Variants in SLC36A1 observed in about 807,000 individuals in gnomAD.
The protein encoded by SLC36A1 is proton-coupled amino acid transporter 1.
SLC36A1 carries 30 observed loss-of-function variants against 47.5 expected under a neutral mutation model. That is an observed-to-expected ratio of 0.63 (90% CI 0.47 to 0.86). The LOEUF is 0.86. Ranked by LOEUF, SLC36A1 falls within the 40% of genes least tolerant of loss-of-function variation. SLC36A1 has a pLI of 0.00. For missense variants in SLC36A1, 517 were observed against 606.0 expected, an observed-to-expected ratio of 0.85 and a Z score of 1.54; for synonymous variants, 255 against 249.7, an observed-to-expected ratio of 1.02 and a Z score of -0.20.
At chr5:151,349,880 G>A in the SLC36A1 span, among the ~76,000 whole-genome samples, 2 of 151,872 alleles carry the variant, frequency 1.3e-5, no homozygotes, top group Non-Finnish European at 2.9e-5. Context: ...TGTTATTTTT[G>A]CCAAGTTCAT....
chr5:151,383,440 ACTC>A, the SLC36A1 span, among the ~76,000 whole-genome samples: 1 of 151,886 alleles, frequency 6.6e-6, no homozygotes, highest in African/African-American at 2.4e-5. Context: ...GATGAGTACT[ACTC>A]TAGGATTGGC....
the SLC36A1 span, chr5:151,542,564 C>T: frequency 1.9e-6 from 3 of 1,614,158 alleles, no homozygotes; most frequent in Non-Finnish European, 2.5e-6. Flanking sequence ...GTGATCCAAC[C>T]ACTCTCACTG....
chr5:151,479,432 G>A lies in SLC36A1; in HGVS notation c.1102G>A (p.Glu368Lys), dbSNP rs751677534. 6.2e-6 allele frequency: 10 copies of A among 1,614,156 alleles called. No individual in the cohort carries two copies. Among genetic ancestry groups the A allele is most frequent in the East Asian group, 2.2e-5 (1 of 44,886 alleles). Residue 368 changes from glutamate (E) to lysine (K), a missense_variant, in exon 10 of 11, where the codon GAG becomes AAG. Glu to Lys is a moderately conservative substitution (Grantham distance 56). Transcript: ENST00000243389. ...CCCCTTCTTTGTGTCCCGAGCGCCC[G>A]AGCACTGTGAGTTAGTGGTGGACCT... The part of the protein sequence containing the change: ...IIPFFVSRAP[E>K]HCELVVDLFV...
the SLC36A1 span, chr5:151,532,055 G>A: frequency 6.5e-7 from 1 of 1,530,042 alleles, no homozygotes; most frequent in South Asian, 1.2e-5. Flanking sequence ...CACAGGAGGG[G>A]CTGGGGAGGG....
chr5:151,514,969 A>G, the SLC36A1 span, among the ~76,000 whole-genome samples: 1 of 152,138 alleles, frequency 6.6e-6, no homozygotes, highest in East Asian at 1.9e-4. Flanking sequence ...TTCTTTACAG[A>G]TGATAATCTT....
Position 151,463,311 on chromosome 5 carries a change from G to C in SLC36A1, c.144-242G>C, listed in dbSNP as rs78509026. 1.1e-3 allele frequency among the ~76,000 whole-genome samples: 165 copies of C among 152,324 alleles called. 1 individual carries two copies. Among genetic ancestry groups the C allele is most frequent in the Non-Finnish European group, 3.1e-4 (21 of 68,020 alleles). On this transcript the variant is annotated intron_variant, in intron 2 of 10. Transcript: ENST00000243389. Reference sequence around the variant, plus strand: ...AGAGAAGGGATTCTCAGAAATGTCAGAGAGTGGAGACTTACAGCACAGTGG... The same window carrying C: ...AGAGAAGGGATTCTCAGAAATGTCACAGAGTGGAGACTTACAGCACAGTGG...
the SLC36A1 span, among the ~76,000 whole-genome samples, chr5:151,364,409 A>T: frequency 6.6e-6 from 1 of 152,208 alleles, no homozygotes; most frequent in Non-Finnish European, 1.5e-5. Flanking sequence ...ACTGCTTTTC[A>T]AAGTGATTGT....
At chr5:151,550,441 G>A in the SLC36A1 span, 195 of 851,448 alleles carry the variant, frequency 2.3e-4, no homozygotes, top group Non-Finnish European at 3.3e-4. Context: ...CTTATGGAAG[G>A]TGCCCTTAGC....
intron 1 of SLC36A1, among the ~76,000 whole-genome samples, chr5:151,440,672 T>C (rs1876620): frequency 0.29 from 44,250 of 151,924 alleles, 7,586 homozygotes; most frequent in African/African-American, 0.48. Flanking sequence ...CCTCATGTTA[T>C]ATATAGAACC....
chr5:151,518,681 C>A, the SLC36A1 span, among the ~76,000 whole-genome samples: 1 of 152,224 alleles, frequency 6.6e-6, no homozygotes, highest in Non-Finnish European at 1.5e-5. Flanking sequence ...TAAAGTCTGG[C>A]ATCCTCCATC....
chr5:151,457,689 C>A (rs1389967578), intron 1 of SLC36A1, among the ~76,000 whole-genome samples: 1 of 152,050 alleles, frequency 6.6e-6, no homozygotes, highest in East Asian at 1.9e-4. Flanking sequence ...GTCCCAGGGT[C>A]AGGGTATAAG....
the SLC36A1 span, chr5:151,542,566 C>T: frequency 2.6e-5 from 42 of 1,614,190 alleles, no homozygotes; most frequent in African/African-American, 4.5e-4. Flanking sequence ...GATCCAACCA[C>T]TCTCACTGTC....
the SLC36A1 span, among the ~76,000 whole-genome samples, chr5:151,404,949 T>C: frequency 6.6e-6 from 1 of 152,242 alleles, no homozygotes; most frequent in Non-Finnish European, 1.5e-5. Flanking sequence ...CTAGTGAGAT[T>C]GAGGAAATTT....
At chr5:151,468,851 ATCAAC>A (rs1053588429) in intron 7 of SLC36A1, among the ~76,000 whole-genome samples, 2 of 152,222 alleles carry the variant, frequency 1.3e-5, no homozygotes, top group African/African-American at 4.8e-5. Flanking sequence ...GTAATTCCTT[ATCAAC>A]TCCAGTTAAT....
chr5:151,379,683 A>C, the SLC36A1 span, among the ~76,000 whole-genome samples: 4 of 152,178 alleles, frequency 2.6e-5, no homozygotes, highest in African/African-American at 9.7e-5. Flanking sequence ...TCTGGGGTAA[A>C]TTTTAACATT....
the SLC36A1 span, among the ~76,000 whole-genome samples, chr5:151,391,342 T>C: frequency 6.6e-6 from 1 of 152,166 alleles, no homozygotes; most frequent in Non-Finnish European, 1.5e-5. Context: ...TCATGTCATC[T>C]GCAAACAGGG....
chr5:151,536,519 C>T, the SLC36A1 span, among the ~76,000 whole-genome samples: 1 of 152,182 alleles, frequency 6.6e-6, no homozygotes, highest in African/African-American at 2.4e-5. Flanking sequence ...TCCCCTGCAG[C>T]AGCAGGGCAG....
the SLC36A1 span, chr5:151,511,950 C>T: frequency 4.0e-5 from 23 of 578,218 alleles, no homozygotes; most frequent in Admixed American, 4.2e-4. Flanking sequence ...CTCATCCCCC[C>T]AGAAGTAGAA....
At chr5:151,381,901 A>C in the SLC36A1 span, 4 of 294,836 alleles carry the variant, frequency 1.4e-5, no homozygotes, top group Non-Finnish European at 1.9e-5. Context: ...TGTGTGAATT[A>C]CTCTTTCTCT....
Sources: gnomAD v4.1 joint callset for allele counts (sites outside exome capture counted in the v4.1 genomes callset) on GRCh38, gnomAD v4.1.1 for gene constraint, MANE v1.5 for transcripts, NCBI Gene and HGNC (gene_info 2026-07-23, HGNC 2026-07-21) for gene names.